Variants in NEO1 observed in about 807,000 individuals in gnomAD.
NEO1 encodes neogenin.
A neutral mutation model predicts 159.7 loss-of-function variants in NEO1; 63 were observed. That is an observed-to-expected ratio of 0.39 (90% CI 0.32 to 0.49). The LOEUF is 0.49. Ranked by LOEUF, NEO1 falls within the 20% of genes least tolerant of loss-of-function variation. NEO1 has a pLI of 0.85. For synonymous variants in NEO1, 633 were observed against 662.0 expected, an observed-to-expected ratio of 0.96 and a Z score of 0.67; for missense variants, 1,615 against 1,831.0, an observed-to-expected ratio of 0.88 and a Z score of 2.15.
intron 1 of NEO1, among the ~76,000 whole-genome samples, chr15:73,113,333 A>T (rs1035310320): frequency 2.8e-4 from 42 of 152,286 alleles, no homozygotes; most frequent in African/African-American, 1.0e-3. Flanking sequence ...AACCATTGGA[A>T]GTTTTTAGAA....
At position 73,249,052 on chromosome 15, in the gene NEO1, C is replaced by T. The variant is rs752638382; in HGVS notation, c.1607-8C>T. 13 of 1,612,876 alleles carry T rather than the reference C, an allele frequency of 8.1e-6. No individual in the cohort carries two copies. The African/African-American group carries it at 1.1e-4, about 13-fold the overall frequency. On this transcript the variant is annotated splice_region_variant and splice_polypyrimidine_tract_variant and intron_variant, in intron 9 of 28. Transcript: ENST00000261908. ...TTATATCTTGCTTTCTCGAACTTTTCTTTCTAGTTCAGCTCCCTGGCCCAG... is the reference window on the plus strand; with the variant it reads ...TTATATCTTGCTTTCTCGAACTTTTTTTTCTAGTTCAGCTCCCTGGCCCAG...
At chr15:73,179,763 A>G (rs139043297) in intron 7 of NEO1, among the ~76,000 whole-genome samples, 2,075 of 152,214 alleles carry the variant, frequency 0.014, 18 homozygotes, top group South Asian at 0.017. Context: ...TACACTGTGT[A>G]TGGTTTTATA....
intron 26 of NEO1, 30 bp downstream of exon 26, chr15:73,293,578 A>G: frequency 1.3e-6 from 2 of 1,599,102 alleles, no homozygotes; most frequent in Non-Finnish European, 1.7e-6. Context: ...CCCAGATGGA[A>G]ACCATTCCAA....
intron 1 of NEO1, among the ~76,000 whole-genome samples, chr15:73,102,952 A>G (rs2070482219): frequency 6.6e-6 from 1 of 152,178 alleles, no homozygotes; most frequent in Non-Finnish European, 1.5e-5. Context: ...CCATCGTCCA[A>G]GCTAGAAACT....
At chr15:73,258,659 C>CTA (rs1373349058) in intron 13 of NEO1, 107 bp from the exon 14 acceptor site, 2 of 862,314 alleles carry the variant, frequency 2.3e-6, no homozygotes, top group Non-Finnish European at 3.8e-6. Flanking sequence ...CTTTGCCAAG[C>CTA]TATATACTGA....
chr15:73,119,263 G>C (rs1242896613), intron 2 of NEO1, among the ~76,000 whole-genome samples: 1 of 151,964 alleles, frequency 6.6e-6, no homozygotes, highest in Non-Finnish European at 1.5e-5. Flanking sequence ...GAACTTTATG[G>C]TATATAAATT....
intron 5 of NEO1, among the ~76,000 whole-genome samples, chr15:73,173,208 G>A (rs1340776062): frequency 6.6e-6 from 1 of 152,134 alleles, no homozygotes; most frequent in African/African-American, 2.4e-5. Flanking sequence ...TTTGCTTTGA[G>A]AAGGAACAGA....
intron 15 of NEO1, among the ~76,000 whole-genome samples, chr15:73,261,935 A>G (rs1480942188): frequency 6.6e-6 from 1 of 152,212 alleles, no homozygotes; most frequent in East Asian, 1.9e-4. Flanking sequence ...GTTATACATC[A>G]ATGGAACAGA....
rs778272942 is a variant in NEO1, at chr15:73,273,904, A to G, written c.3059A>G (p.Gln1020Arg). The G allele has an allele frequency of 6.2e-7, 1 of 1,614,156 alleles. No homozygotes were observed. Among genetic ancestry groups the G allele is most frequent in the South Asian group, 1.1e-5 (1 of 91,080 alleles). ...VVGNRLTHQI[Q>R]ELTLDTPYYF... is the part of the protein sequence containing the mutation. The stretch of plus-strand genomic sequence containing the variant: ...GGAAACAGACTGACTCACCAGATAC[A>G]AGAGTTAACTCTTGACACACCATAC... The change falls in exon 20 of 29, where the codon CAA (glutamine) becomes CGA (arginine). Residue 1020 changes from glutamine to arginine, a missense_variant. Physicochemically the swap from Gln to Arg is conservative, Grantham distance 43 (BLOSUM62 1). This residue lies in a region of NEO1 where 126 missense variants were observed against 216.7 expected (regional missense o/e 0.58). Transcript: ENST00000261908.
At chr15:73,266,806 A>G (rs1056120778) in intron 16 of NEO1, among the ~76,000 whole-genome samples, 2 of 152,206 alleles carry the variant, frequency 1.3e-5, no homozygotes, top group South Asian at 2.1e-4. Flanking sequence ...ACCCAACATC[A>G]TTTGGTTACT....
chr15:73,122,063 GTATA>G (rs200219694), intron 2 of NEO1, among the ~76,000 whole-genome samples: 7,943 of 126,054 alleles, frequency 0.063, 295 homozygotes, highest in Non-Finnish European at 0.078. Flanking sequence ...GTGTGTGTGT[GTATA>G]TATATATATA....
chr15:73,217,206 T>C (rs1383079899), intron 7 of NEO1, among the ~76,000 whole-genome samples: 3 of 150,272 alleles, frequency 2.0e-5, no homozygotes, highest in Non-Finnish European at 4.5e-5. Context: ...CCATTGCTTG[T>C]TTTTCTCAGG....
At chr15:73,060,806 C>T (rs940536657) in intron 1 of NEO1, among the ~76,000 whole-genome samples, 1 of 150,030 alleles carries the variant, frequency 6.7e-6, no homozygotes, top group Admixed American at 6.6e-5. Context: ...CTCACCATGC[C>T]CAGCTAATTT....
chr15:73,287,142 A>G (rs1453441379), intron 23 of NEO1, among the ~76,000 whole-genome samples: 2 of 152,178 alleles, frequency 1.3e-5, no homozygotes, highest in African/African-American at 4.8e-5. Context: ...TGCAGGGTTC[A>G]CTATGTCCCC....
At chr15:73,100,031 A>G (rs1307388483) in intron 1 of NEO1, among the ~76,000 whole-genome samples, 2 of 152,086 alleles carry the variant, frequency 1.3e-5, no homozygotes, top group Admixed American at 1.3e-4. Context: ...TCCATTCCAA[A>G]TCTACCATTG....
chr15:73,213,214 T>G (rs142499355), intron 7 of NEO1, among the ~76,000 whole-genome samples: 159 of 152,252 alleles, frequency 1.0e-3, no homozygotes, highest in African/African-American at 3.5e-3. Flanking sequence ...GTTGTTGTTG[T>G]TGGTTGAATT....
chr15:73,188,984 A>G (rs539338882), intron 7 of NEO1, among the ~76,000 whole-genome samples: 2 of 152,192 alleles, frequency 1.3e-5, no homozygotes, highest in African/African-American at 4.8e-5. Flanking sequence ...CTTTGGTCCC[A>G]GGTACTAAAG....
At chr15:73,216,539 A>C (rs2037896389) in intron 7 of NEO1, among the ~76,000 whole-genome samples, 1 of 152,248 alleles carries the variant, frequency 6.6e-6, no homozygotes, top group African/African-American at 2.4e-5. Context: ...ACTAGATTAC[A>C]GTCCCACCAA....
intron 5 of NEO1, among the ~76,000 whole-genome samples, chr15:73,151,757 G>A (rs377575457): frequency 6.0e-4 from 91 of 152,288 alleles, no homozygotes; most frequent in African/African-American, 2.1e-3. Flanking sequence ...TGGGGATTAT[G>A]GAAACTGTAA....
Sources: gnomAD v4.1 joint callset for allele counts (sites outside exome capture counted in the v4.1 genomes callset) on GRCh38, gnomAD v4.1.1 for gene constraint, gnomAD v4.1.1 regional missense constraint, MANE v1.5 for transcripts, NCBI Gene and HGNC (gene_info 2026-07-23, HGNC 2026-07-21) for gene names.